Variants in PDSS2 observed in about 807,000 individuals in gnomAD.
PDSS2 encodes the protein decaprenyl diphosphate synthase subunit 2.
A neutral mutation model predicts 44.5 loss-of-function variants in PDSS2; 31 were observed. The ratio of observed to expected loss-of-function variants is 0.70; its 90% CI spans 0.52 to 0.94. The LOEUF (loss-of-function observed/expected upper bound fraction) is 0.94, where lower values mean the gene tolerates loss of function less well. Among genes scored for constraint, PDSS2 ranks in the 40% least tolerant of loss-of-function variants. The pLI, the probability that PDSS2 is intolerant of heterozygous loss-of-function variation, is 0.00. For missense variants in PDSS2, 452 were observed against 482.2 expected (o/e 0.94, Z 0.59); for synonymous variants, 157 against 180.3 (o/e 0.87, Z 1.03).
chr6:107,363,326 G>A (rs1050598821), intron 1 of PDSS2, among the ~76,000 whole-genome samples: 1 of 152,330 alleles, frequency 6.6e-6, no homozygotes, highest in South Asian at 2.1e-4. Flanking sequence ...CTCGCGGTGA[G>A]TCTTACAGCT....
chr6:107,216,429 C>T (rs151119029), intron 4 of PDSS2, among the ~76,000 whole-genome samples: 5 of 151,386 alleles, frequency 3.3e-5, no homozygotes, highest in Admixed American at 1.3e-4. Flanking sequence ...GCTGAGATTG[C>T]GCCACTGCAC....
intron 1 of PDSS2, among the ~76,000 whole-genome samples, chr6:107,396,173 C>A (rs528413329): frequency 6.6e-6 from 1 of 152,170 alleles, no homozygotes; most frequent in South Asian, 2.1e-4. Context: ...TTTCACCTTA[C>A]CCATATATAG....
At chr6:107,190,748 A>G (rs1026722914) in intron 7 of PDSS2, among the ~76,000 whole-genome samples, 4 of 152,204 alleles carry the variant, frequency 2.6e-5, no homozygotes, top group Non-Finnish European at 5.9e-5. Context: ...CGCAGAGAAC[A>G]GAAGCAGTAT....
chr6:107,362,724 A>T (rs927147624), intron 1 of PDSS2, among the ~76,000 whole-genome samples: 4 of 152,222 alleles, frequency 2.6e-5, no homozygotes, highest in Non-Finnish European at 5.9e-5. Context: ...TATTATAAGC[A>T]AAGGGTTCAA....
chr6:107,383,298 C>CAAAAAAA (rs35910650), intron 1 of PDSS2, among the ~76,000 whole-genome samples: 8 of 28,436 alleles, frequency 2.8e-4, no homozygotes, highest in East Asian at 2.1e-3. Context: ...GACTCCATCT[C>CAAAAAAA]AAAAAAAAAA....
intron 3 of PDSS2, among the ~76,000 whole-genome samples, chr6:107,268,744 A>C (rs79347314): frequency 0.017 from 2,531 of 152,270 alleles, 74 homozygotes; most frequent in African/African-American, 0.058. Context: ...TTAGTTTGAA[A>C]TTACTGATAC....
chr6:107,199,938 T>C (rs544006369), intron 6 of PDSS2, among the ~76,000 whole-genome samples: 1 of 152,254 alleles, frequency 6.6e-6, no homozygotes, highest in East Asian at 1.9e-4. Context: ...CCACCTTCTA[T>C]TTATAAATAC....
intron 4 of PDSS2, among the ~76,000 whole-genome samples, chr6:107,241,637 C>G (rs1167373869): frequency 6.6e-6 from 1 of 152,194 alleles, no homozygotes; most frequent in East Asian, 1.9e-4. Context: ...TAAGCCACCG[C>G]ACCCGGCTGC....
At chr6:107,400,315 G>A (rs1337062147) in intron 1 of PDSS2, among the ~76,000 whole-genome samples, 1 of 152,160 alleles carries the variant, frequency 6.6e-6, no homozygotes, top group African/African-American at 2.4e-5. Flanking sequence ...TCAATGATTT[G>A]GAGAATCTCT....
At chr6:107,293,553 G>A (rs565225348) in intron 2 of PDSS2, among the ~76,000 whole-genome samples, 27 of 152,222 alleles carry the variant, frequency 1.8e-4, no homozygotes, top group Admixed American at 6.5e-4. Flanking sequence ...TGTATCCATG[G>A]TCTGGCAGGT....
At chr6:107,281,324 T>C (rs1350875551) in intron 2 of PDSS2, among the ~76,000 whole-genome samples, 1 of 152,166 alleles carries the variant, frequency 6.6e-6, no homozygotes, top group African/African-American at 2.4e-5. Context: ...ACCTCTAGAC[T>C]TCTTGTTATC....
At chr6:107,354,906 T>C (rs1001785603) in intron 1 of PDSS2, among the ~76,000 whole-genome samples, 24 of 152,274 alleles carry the variant, frequency 1.6e-4, no homozygotes, top group Middle Eastern at 3.4e-3. Flanking sequence ...CACCCATCCC[T>C]AAATTTGCTA....
At chr6:107,342,059 T>C (rs1285767594) in intron 1 of PDSS2, among the ~76,000 whole-genome samples, 3 of 152,146 alleles carry the variant, frequency 2.0e-5, no homozygotes, top group African/African-American at 7.2e-5. Flanking sequence ...GGCTTGCTTA[T>C]GCTTTGAGGC....
rs554129893 is a variant in PDSS2, at chr6:107,239,745, G to A, written c.702+5803C>T. Among the ~76,000 whole-genome samples the A allele has an allele frequency of 6.1e-5, 9 of 146,678 alleles. No homozygotes were observed. In the South Asian group the frequency reaches 1.3e-3, roughly 22 times the overall value. ...CAACCTCCGCCTTCCAGGTTCAAGC[G>A]ATTCTCCTGCCTCAGCCTCCCAAGT... On this transcript the variant is annotated intron_variant, in intron 4 of 7. Transcript: ENST00000369037.
chr6:107,222,003 G>T (rs1283492098), intron 4 of PDSS2, among the ~76,000 whole-genome samples: 1 of 152,158 alleles, frequency 6.6e-6, no homozygotes, highest in Non-Finnish European at 1.5e-5. Context: ...CTGTTTTCAT[G>T]CTTAGGATTT....
At chr6:107,290,477 C>T (rs1240638309) in intron 2 of PDSS2, among the ~76,000 whole-genome samples, 4 of 152,196 alleles carry the variant, frequency 2.6e-5, no homozygotes, top group Non-Finnish European at 5.9e-5. Flanking sequence ...TGGTAAAAGC[C>T]AGTCCCTATA....
chr6:107,311,641 G>C (rs1453767357), intron 2 of PDSS2, among the ~76,000 whole-genome samples: 1 of 152,170 alleles, frequency 6.6e-6, no homozygotes, highest in African/African-American at 2.4e-5. Context: ...AATAAAAGCA[G>C]ATAATATCAA....
intron 2 of PDSS2, among the ~76,000 whole-genome samples, chr6:107,326,640 C>T (rs59075145): frequency 6.6e-6 from 1 of 151,656 alleles, no homozygotes; most frequent in African/African-American, 2.4e-5. Flanking sequence ...TCACTTGAGG[C>T]TAGGAGTTCA....
chr6:107,229,384 A>T (rs1257602879), intron 4 of PDSS2, among the ~76,000 whole-genome samples: 2 of 151,946 alleles, frequency 1.3e-5, no homozygotes, highest in African/African-American at 4.8e-5. Context: ...ACGGGGTTTC[A>T]CCATAAGCCA....
Sources: allele counts gnomAD v4.1 joint callset (sites outside exome capture counted in the v4.1 genomes callset), GRCh38; gene constraint gnomAD v4.1.1; transcripts MANE v1.5; gene names NCBI Gene and HGNC (gene_info 2026-07-23, HGNC 2026-07-21).